ATP10A: variants seen among roughly 807,000 people sequenced by gnomAD.
ATP10A encodes phospholipid-transporting ATPase VA.
A neutral mutation model predicts 147.8 loss-of-function variants in ATP10A; 111 were observed. The ratio of observed to expected loss-of-function variants is 0.75; its 90% CI spans 0.64 to 0.88. The LOEUF (loss-of-function observed/expected upper bound fraction) is 0.88, where lower values mean the gene tolerates loss of function less well. ATP10A is among the 40% of genes least tolerant of loss of function. The pLI, the probability that ATP10A is intolerant of heterozygous loss-of-function variation, is 0.00. For synonymous variants in ATP10A, 875 were observed against 841.6 expected (o/e 1.04, Z -0.69); for missense variants, 1,927 against 1,959.0 (o/e 0.98, Z 0.31).
intron 2 of ATP10A, among the ~76,000 whole-genome samples, chr15:25,760,362 T>C (rs1022535079): frequency 1.3e-5 from 2 of 152,260 alleles, no homozygotes; most frequent in Admixed American, 6.5e-5. Context: ...TAGAAACCTA[T>C]GTCTTCATAT....
rs1277193430 is a variant in ATP10A at position 25,855,181 on chromosome 15, C to T, written c.449+7467G>A. On this transcript the variant is annotated intron_variant, in intron 1 of 20. Coordinates refer to ENST00000555815, the MANE Select transcript of ATP10A (RefSeq NM_024490.4). Reference sequence around the variant, plus strand: ...TCAAAACCAGACAAAGACACACATACGGCCCCCAATCCCAAATATTGCATA... The same window carrying T: ...TCAAAACCAGACAAAGACACACATATGGCCCCCAATCCCAAATATTGCATA... Among the ~76,000 whole-genome samples, 5 of 152,030 alleles carry T rather than the reference C, an allele frequency of 3.3e-5. No individual in the cohort carries two copies. In the South Asian group the frequency reaches 6.2e-4, roughly 19 times the overall value.
At chr15:25,687,579 A>G in intron 16 of ATP10A, 124 bp downstream of exon 16, 2 of 459,484 alleles carry the variant, frequency 4.4e-6, no homozygotes, top group Non-Finnish European at 5.8e-6. Context: ...ACACAGGCGA[A>G]GGAGGATGGA....
intron 2 of ATP10A, among the ~76,000 whole-genome samples, chr15:25,759,830 T>C (rs1888656652): frequency 6.6e-6 from 1 of 152,096 alleles, no homozygotes; most frequent in South Asian, 2.1e-4. Flanking sequence ...TGAAAAGTTT[T>C]TCTTTACCTT....
At chr15:25,712,881 C>G (rs909426913) in intron 10 of ATP10A, among the ~76,000 whole-genome samples, 8 of 152,156 alleles carry the variant, frequency 5.3e-5, no homozygotes, top group Non-Finnish European at 1.2e-4. Flanking sequence ...ATGAGTGGTC[C>G]TGGGCTTCTG....
intron 13 of ATP10A, among the ~76,000 whole-genome samples, chr15:25,696,396 T>C (rs990675469): frequency 6.6e-5 from 10 of 152,260 alleles, no homozygotes; most frequent in Middle Eastern, 3.4e-3. Context: ...GGGTGGGATA[T>C]GGCAGTAACT....
At chr15:25,800,144 G>A (rs758697114) in intron 1 of ATP10A, among the ~76,000 whole-genome samples, 35 of 152,274 alleles carry the variant, frequency 2.3e-4, no homozygotes. Context: ...CAGGATGAAC[G>A]CTATTTTAAT....
chr15:25,713,629 C>T lies in ATP10A; in HGVS notation c.2344+45G>A, dbSNP rs750077376. On this transcript the variant is annotated intron_variant, in intron 10 of 20. Transcript: ENST00000555815. ...AATTGGGTGGGGATATTTCTCAGGA[C>T]CTCCTCCCCCGAGCTGGGGTGCAGC... 12 of 1,570,758 alleles carry T rather than the reference C, an allele frequency of 7.6e-6. No homozygotes were observed. The African/African-American group carries it at 1.5e-4, about 20-fold the overall frequency.
At chr15:25,747,215 G>C (rs1887889914) in intron 2 of ATP10A, among the ~76,000 whole-genome samples, 1 of 151,164 alleles carries the variant, frequency 6.6e-6, no homozygotes, top group African/African-American at 2.4e-5. Context: ...CTTGAACACG[G>C]GAGGCGGAGG....
chr15:25,740,161 C>G (rs185823492), intron 2 of ATP10A, among the ~76,000 whole-genome samples: 2 of 152,276 alleles, frequency 1.3e-5, no homozygotes, highest in East Asian at 3.9e-4. Flanking sequence ...ACTAAGTACT[C>G]AACAAAAGCA....
At chr15:25,811,512 A>T (rs1367339762) in intron 1 of ATP10A, among the ~76,000 whole-genome samples, 1 of 152,186 alleles carries the variant, frequency 6.6e-6, no homozygotes, top group African/African-American at 2.4e-5. Flanking sequence ...ACACCCGGGC[A>T]TCCCTCCCGG....
intron 1 of ATP10A, among the ~76,000 whole-genome samples, chr15:25,793,369 T>C (rs1890524388): frequency 6.6e-6 from 1 of 152,196 alleles, no homozygotes. Flanking sequence ...ACTTACACCC[T>C]TTAAAAAGAT....
rs1444031170 is a variant in ATP10A, at chr15:25,776,151, T to TC, written c.654+4867dup. On this transcript the variant is annotated intron_variant, in intron 2 of 20. Coordinates refer to ENST00000555815, the MANE Select transcript of ATP10A (RefSeq NM_024490.4). Reference sequence around the variant, plus strand: ...ACTGAGTTTTATATAAAATTATCAGTCTAGGGATCTCCTAGTTCTGCAGAA... The same window carrying TC: ...ACTGAGTTTTATATAAAATTATCAGTCCTAGGGATCTCCTAGTTCTGCAGAA... Among the ~76,000 whole-genome samples the TC allele has an allele frequency of 7.2e-5, 11 of 152,336 alleles. No individual in the cohort carries two copies. In the East Asian group the frequency reaches 2.1e-3, roughly 29 times the overall value.
intron 16 of ATP10A, among the ~76,000 whole-genome samples, chr15:25,685,701 G>A (rs1040218761): frequency 3.9e-5 from 6 of 152,080 alleles, no homozygotes; most frequent in African/African-American, 1.4e-4. Flanking sequence ...ATGGTGGCCT[G>A]TAGTCCCAGC....
intron 9 of ATP10A, among the ~76,000 whole-genome samples, chr15:25,716,404 A>C (rs914267591): frequency 6.6e-6 from 1 of 152,086 alleles, no homozygotes; most frequent in Admixed American, 6.5e-5. Context: ...CAGGGCCTCC[A>C]CACACCCACC....
At chr15:25,781,518 G>A (rs929228036) in intron 1 of ATP10A, among the ~76,000 whole-genome samples, 2 of 152,088 alleles carry the variant, frequency 1.3e-5, no homozygotes, top group African/African-American at 4.8e-5. Context: ...AGCCGGGTGC[G>A]GTGGTGCGTG....
At chr15:25,725,401 G>C (rs1209700625) in intron 5 of ATP10A, among the ~76,000 whole-genome samples, 1 of 152,152 alleles carries the variant, frequency 6.6e-6, no homozygotes, top group African/African-American at 2.4e-5. Flanking sequence ...AGGGACTTGA[G>C]CATCTGAAGA....
intron 1 of ATP10A, among the ~76,000 whole-genome samples, chr15:25,857,106 A>G (rs894421160): frequency 6.6e-6 from 1 of 152,202 alleles, no homozygotes; most frequent in African/African-American, 2.4e-5. Flanking sequence ...CATCCCATTT[A>G]TGAGATAAGT....
chr15:25,842,830 C>A lies in ATP10A; in HGVS notation c.449+19818G>T, dbSNP rs539578545. Among the ~76,000 whole-genome samples, 13 of 152,266 alleles carry A rather than the reference C, an allele frequency of 8.5e-5. No individual in the cohort carries two copies. The East Asian group carries it at 2.3e-3, about 27-fold the overall frequency. On this transcript the variant is annotated intron_variant, in intron 1 of 20. Coordinates refer to ENST00000555815, the MANE Select transcript of ATP10A (RefSeq NM_024490.4). The stretch of plus-strand genomic sequence containing the variant: ...CTGGGCTCAAGCGGTCCTCCCACCT[C>A]AGCCTCCCAAGTCGCTGGGACTACA...
At chr15:25,789,792 A>T (rs1890328391) in intron 1 of ATP10A, among the ~76,000 whole-genome samples, 1 of 152,094 alleles carries the variant, frequency 6.6e-6, no homozygotes, top group Non-Finnish European at 1.5e-5. Flanking sequence ...GATGGTGGAC[A>T]GCTCTGGGCT....
Sources: gnomAD v4.1 joint callset for allele counts (sites outside exome capture counted in the v4.1 genomes callset) on GRCh38, gnomAD v4.1.1 for gene constraint, MANE v1.5 for transcripts, NCBI Gene and HGNC (gene_info 2026-07-23, HGNC 2026-07-21) for gene names.